Variants in GSDME observed in about 807,000 individuals in gnomAD.
GSDME encodes the protein gasdermin-E.
A neutral mutation model predicts 47.5 loss-of-function variants in GSDME; 44 were observed. That is an observed-to-expected ratio of 0.93 (90% CI 0.73 to 1.19). The LOEUF is 1.19. Among genes scored for constraint, GSDME ranks in the 50% most tolerant of loss-of-function variants. The pLI, the probability that GSDME is intolerant of heterozygous loss-of-function variation, is 0.00. For synonymous variants in GSDME, 258 were observed against 252.8 expected (o/e 1.02, Z -0.20); for missense variants, 663 against 604.2 (o/e 1.10, Z -1.02).
At chr7:24,793,823 T>C in the GSDME span, among the ~76,000 whole-genome samples, 4 of 151,622 alleles carry the variant, frequency 2.6e-5, no homozygotes, top group Admixed American at 2.6e-4. Context: ...TCTGAACTGG[T>C]GAGGTGTGCT....
the GSDME span, among the ~76,000 whole-genome samples, chr7:24,767,138 A>G: frequency 6.6e-6 from 1 of 152,188 alleles, no homozygotes; most frequent in Non-Finnish European, 1.5e-5. This position sits in a 1 kb window ranked among gnomAD's most constrained non-coding sequence, Gnocchi z 5.3. Flanking sequence ...AGCCTGACCA[A>G]CGTTGTGAAA....
chr7:24,707,147 C>T, intron 7 of GSDME: 1 of 365,792 alleles, frequency 2.7e-6, no homozygotes, highest in Admixed American at 3.7e-5. Context: ...GATACCCAGG[C>T]TCTTTCGGCA....
the GSDME span, among the ~76,000 whole-genome samples, chr7:24,788,052 T>C: frequency 6.6e-6 from 1 of 152,152 alleles, no homozygotes. This position sits in a 1 kb window ranked among gnomAD's most constrained non-coding sequence, Gnocchi z 4.6. Flanking sequence ...TTTGGTAAAA[T>C]AAATGGGAGC....
the GSDME span, among the ~76,000 whole-genome samples, chr7:24,787,286 C>T: frequency 6.6e-6 from 1 of 152,202 alleles, no homozygotes; most frequent in African/African-American, 2.4e-5. This position sits in a 1 kb window ranked among gnomAD's most constrained non-coding sequence, Gnocchi z 5.0. Context: ...ATGGCCCCTA[C>T]TCATTTTCAA....
intron 8 of GSDME, chr7:24,704,534 C>T (rs1181143682): frequency 1.3e-5 from 2 of 152,172 alleles, no homozygotes; most frequent in Non-Finnish European, 2.9e-5. Flanking sequence ...GCCTGGCCTC[C>T]ACTGGGACTG....
chr7:24,731,304 C>A (rs375463376), intron 3 of GSDME, among the ~76,000 whole-genome samples: 1 of 152,230 alleles, frequency 6.6e-6, no homozygotes, highest in East Asian at 1.9e-4. Context: ...GCAGACTTCT[C>A]CGTAGCCCAG....
At position 24,702,933 on chromosome 7, in the gene GSDME, C is replaced by T. The variant is rs190027053; in HGVS notation, c.1184-100G>A. ...CCTAACTTATATTTTAGTACTTTCC[C>T]GCCAGCCAGGCAGGGGAGGTACTCA... On this transcript the variant is annotated intron_variant, in intron 8 of 9. Coordinates refer to ENST00000645220, the MANE Select transcript of GSDME (RefSeq NM_001127453.2). 164 of 1,020,250 alleles carry T rather than the reference C, an allele frequency of 1.6e-4. 2 individuals are homozygous for T. The East Asian group carries it at 3.6e-3, about 23-fold the overall frequency. The allele number at this position is 1,020,250 out of a possible 1,614,324, so 63.2% of individuals were successfully genotyped here.
At position 24,721,813 on chromosome 7, in the gene GSDME, C is replaced by T. The variant is rs1055809407; in HGVS notation, c.405-2595G>A. ...TCCAGTGCGTTCCCAGGCTGAGGCC[C>T]CATGTGATCTGCCCTGCCCCCTGTT... On this transcript the variant is annotated intron_variant, in intron 3 of 9. Coordinates refer to ENST00000645220, the MANE Select transcript of GSDME (RefSeq NM_001127453.2). This position sits in a 1 kb window ranked among gnomAD's most constrained non-coding sequence, Gnocchi z 4.1. Among the ~76,000 whole-genome samples the T allele has an allele frequency of 6.6e-6, 1 of 152,204 alleles. No homozygotes were observed. The highest frequency in any genetic ancestry group is 2.4e-5 in the African/African-American group (1 of 41,458).
intron 3 of GSDME, among the ~76,000 whole-genome samples, chr7:24,722,081 A>G (rs1173152398): frequency 6.6e-6 from 1 of 152,200 alleles, no homozygotes; most frequent in Non-Finnish European, 1.5e-5. Flanking sequence ...CTCCTCCATC[A>G]AGAATATAAA....
chr7:24,775,874 C>CAA, the GSDME span, among the ~76,000 whole-genome samples: 8,232 of 31,080 alleles, frequency 0.26, 1,656 homozygotes, highest in African/African-American at 0.3. Flanking sequence ...GATTCCATCT[C>CAA]AAAAAAAAAA....
chr7:24,702,804 C>G lies in GSDME; in HGVS notation c.1213G>C (p.Gly405Arg). ...EMPDSAAALL[G>R]TCCKLQIIPT... Reference sequence around the variant, plus strand: ...ATGATCTGGAGTTTGCAGCAAGTGCCCAGCAGAGCTGCTGCGCTATCTGGC... The same window carrying G: ...ATGATCTGGAGTTTGCAGCAAGTGCGCAGCAGAGCTGCTGCGCTATCTGGC... The change falls in exon 9 of 10, where the codon GGC becomes CGC. Residue 405 changes from glycine (G) to arginine (R), a missense_variant. By Grantham distance (125) the Gly-to-Arg change is moderately radical. Coordinates refer to ENST00000645220, the MANE Select transcript of GSDME (RefSeq NM_001127453.2). 1 of 1,613,540 alleles carries G rather than the reference C, an allele frequency of 6.2e-7. No homozygotes were observed. Among genetic ancestry groups the G allele is most frequent in the Non-Finnish European group, 8.5e-7 (1 of 1,179,696 alleles).
At chr7:24,784,788 G>C in the GSDME span, among the ~76,000 whole-genome samples, 1 of 151,932 alleles carries the variant, frequency 6.6e-6, no homozygotes, top group Admixed American at 6.6e-5. Flanking sequence ...TCAAACTCCT[G>C]ACCTCAAGTG....
At chr7:24,764,290 CA>C in the GSDME span, among the ~76,000 whole-genome samples, 1 of 152,216 alleles carries the variant, frequency 6.6e-6, no homozygotes, top group African/African-American at 2.4e-5. The surrounding 1 kb of genome is among the most constrained non-coding windows in gnomAD (Gnocchi z 4.4). Flanking sequence ...GAAAAGAAAA[CA>C]ACCCTGCAAG....
rs1790433826 is a variant in GSDME, at chr7:24,739,939, A to C, written c.404+4623T>G. Among the ~76,000 whole-genome samples the C allele has an allele frequency of 6.6e-6, 1 of 152,086 alleles. No individual in the cohort carries two copies. On this transcript the variant is annotated intron_variant, in intron 3 of 9. Coordinates refer to ENST00000645220, the MANE Select transcript of GSDME (RefSeq NM_001127453.2). The surrounding 1 kb of genome is among the most constrained non-coding windows in gnomAD (Gnocchi z 5.1). ...GAAACCCCATCTCTACTAAAAATAC[A>C]AAAATTAGCCAGGTTTGGTGATGGG...
At chr7:24,702,872 C>G (rs756371714) in intron 8 of GSDME, 39 bp from the exon 9 acceptor site, 1 of 1,582,638 alleles carries the variant, frequency 6.3e-7, no homozygotes, top group South Asian at 1.1e-5. Flanking sequence ...TCCAAAAAAA[C>G]AAGTCCATGG....
rs138961442 is a variant in GSDME at position 24,722,943 on chromosome 7, C to T, written c.405-3725G>A. On this transcript the variant is annotated intron_variant, in intron 3 of 9. Coordinates refer to ENST00000645220, the MANE Select transcript of GSDME (RefSeq NM_001127453.2). ...GCAGGAACAGAAGCTCGCCCAGGGACGGAGACTGTCTCCAAGGCTAGGATT... is the reference window on the plus strand; with the variant it reads ...GCAGGAACAGAAGCTCGCCCAGGGATGGAGACTGTCTCCAAGGCTAGGATT... Among the ~76,000 whole-genome samples the T allele has an allele frequency of 1.0e-3, 152 of 152,292 alleles. 2 individuals are homozygous for T. In the East Asian group the frequency reaches 0.026, roughly 26 times the overall value.
chr7:24,702,899 T>G, intron 8 of GSDME, 66 bp from the exon 9 acceptor site: 1 of 1,360,134 alleles, frequency 7.4e-7, no homozygotes, highest in Non-Finnish European at 1.0e-6. Flanking sequence ...AGCCAGCCCC[T>G]GGATGGCACC....
upstream of GSDME, among the ~76,000 whole-genome samples, chr7:24,759,852 G>T (rs1354630124): frequency 6.6e-6 from 1 of 152,144 alleles, no homozygotes; most frequent in Non-Finnish European, 1.5e-5. Flanking sequence ...GGATGAAAAG[G>T]TTCTGGCACA....
Position 24,705,742 on chromosome 7 carries a change from T to G in GSDME, c.1183+442A>C. On this transcript the variant is annotated intron_variant, in intron 8 of 9. Coordinates refer to ENST00000645220, the MANE Select transcript of GSDME (RefSeq NM_001127453.2). The surrounding 1 kb of genome is among the most constrained non-coding windows in gnomAD (Gnocchi z 4.1). ...TGGTTGAATGCTCTCCACAGCCCCC[T>G]TGCCCCAGACAGGAGCACGCAGGGT... 1 of 317,204 alleles carries G rather than the reference T, an allele frequency of 3.2e-6. No individual in the cohort carries two copies. The highest frequency in any genetic ancestry group is 6.1e-6 in the Non-Finnish European group (1 of 163,256). 19.6% of individuals were successfully genotyped at this position (317,204 alleles called of 1,614,324 possible).
Sources: allele counts gnomAD v4.1 joint callset (sites outside exome capture counted in the v4.1 genomes callset), GRCh38; gene constraint gnomAD v4.1.1; non-coding constraint Gnocchi (gnomAD v3.1); transcripts MANE v1.5; gene names NCBI Gene and HGNC (gene_info 2026-07-23, HGNC 2026-07-21).